The following CD247 variants were observed in gnomAD, a reference collection of about 807,000 sequenced individuals.
CD247 encodes the protein CD247 molecule.
A neutral mutation model predicts 30.0 loss-of-function variants in CD247; 13 were observed. The ratio of observed to expected loss-of-function variants is 0.43; its 90% confidence interval spans 0.28 to 0.69. CD247 has a LOEUF of 0.69. CD247 is among the 30% of genes least tolerant of loss of function. CD247 has a pLI of 0.16. For missense variants in CD247, 193 were observed against 212.6 expected, an observed-to-expected ratio of 0.91 and a Z score of 0.57; for synonymous variants, 72 against 80.0, an observed-to-expected ratio of 0.90 and a Z score of 0.53.
intron 1 of CD247, among the ~76,000 whole-genome samples, chr1:167,491,057 T>C (rs1012053152): frequency 6.6e-6 from 1 of 152,190 alleles, no homozygotes; most frequent in Non-Finnish European, 1.5e-5. Context: ...GTCTATTTTA[T>C]TCTATATTTA....
intron 1 of CD247, among the ~76,000 whole-genome samples, chr1:167,485,208 G>T (rs1303144999): frequency 6.6e-6 from 1 of 152,152 alleles, no homozygotes; most frequent in Non-Finnish European, 1.5e-5. Flanking sequence ...TCTAAGGGGG[G>T]CATTTGAAAA....
chr1:167,443,440 C>T (rs984610728), intron 1 of CD247, among the ~76,000 whole-genome samples: 2 of 152,200 alleles, frequency 1.3e-5, no homozygotes, highest in Non-Finnish European at 2.9e-5. Flanking sequence ...GGGGACAAGC[C>T]AGCCCCCATG....
intron 5 of CD247, 140 bp from the exon 6 acceptor site, chr1:167,434,216 C>G: frequency 1.3e-6 from 1 of 776,634 alleles, no homozygotes; most frequent in Non-Finnish European, 2.3e-6. Flanking sequence ...GGCTCCAAAC[C>G]TTATGCACAC....
intron 1 of CD247, among the ~76,000 whole-genome samples, chr1:167,514,142 TA>T (rs1397849045): frequency 2.6e-5 from 4 of 151,434 alleles, no homozygotes; most frequent in East Asian, 2.0e-4. Context: ...TATTTTATTT[TA>T]TTTATTTTTT....
intron 1 of CD247, among the ~76,000 whole-genome samples, chr1:167,475,708 C>G (rs573103046): frequency 6.6e-6 from 1 of 152,120 alleles, no homozygotes; most frequent in Non-Finnish European, 1.5e-5. Flanking sequence ...CAGAGGAACA[C>G]GTTAAATGAC....
chr1:167,478,193 G>A (rs949170983), intron 1 of CD247, among the ~76,000 whole-genome samples: 9 of 152,150 alleles, frequency 5.9e-5, no homozygotes, highest in Non-Finnish European at 1.2e-4. Context: ...GTGCAGCTCC[G>A]GCTACACTGA....
At chr1:167,439,265 A>C (rs1219323230) in intron 3 of CD247, 79 bp downstream of exon 3, 7 of 1,331,786 alleles carry the variant, frequency 5.3e-6, no homozygotes, top group Non-Finnish European at 7.6e-6. Flanking sequence ...TAAACCCAAG[A>C]CTCTGGCGGG....
intron 1 of CD247, among the ~76,000 whole-genome samples, chr1:167,448,180 C>T (rs1206079171): frequency 6.6e-6 from 1 of 152,212 alleles, no homozygotes; most frequent in East Asian, 1.9e-4. Flanking sequence ...CCAGGAACCA[C>T]ACGTGTGAGT....
At chr1:167,466,021 G>A (rs1482700295) in intron 1 of CD247, among the ~76,000 whole-genome samples, 3 of 152,210 alleles carry the variant, frequency 2.0e-5, no homozygotes, top group African/African-American at 7.2e-5. Context: ...ACTTTGAGAG[G>A]AATTTAAGTG....
chr1:167,435,429 T>G lies in CD247; in HGVS notation c.306A>C (p.Arg102Ser). 6.2e-7 allele frequency: 1 copy of G among 1,612,372 alleles called. No individual in the cohort carries two copies. The highest frequency in any genetic ancestry group is 8.5e-7 in the Non-Finnish European group (1 of 1,178,382). ...ACAGGCCTTCCTGAGGGTTCTTCCT[T>G]CTCTGCTAGGAAAGACAACGGGAAG... ...RDPEMGGKPQ[R>S]RKNPQEGLYN... Residue 102 changes from arginine (R) to serine (S), a missense_variant, in exon 5 of 8, where the codon AGA becomes AGC. Physicochemically the swap from Arg to Ser is moderately radical, Grantham distance 110 (BLOSUM62 -1). Coordinates refer to ENST00000362089, the MANE Select transcript of CD247 (RefSeq NM_198053.3).
intron 1 of CD247, among the ~76,000 whole-genome samples, chr1:167,511,803 A>C (rs704856): frequency 0.92 from 139,855 of 151,968 alleles, 64,491 homozygotes; most frequent in East Asian, 1. Context: ...ACCATGTTTG[A>C]GGCCTGGTTC....
intron 1 of CD247, chr1:167,458,685 C>A (rs1447359764): frequency 1.0e-5 from 1 of 99,096 alleles, no homozygotes. Flanking sequence ...TTCTTTCTTT[C>A]TTTCTTTTTT....
chr1:167,473,092 TACACACACACACAC>T (rs35004482), intron 1 of CD247, among the ~76,000 whole-genome samples: 3 of 146,526 alleles, frequency 2.0e-5, no homozygotes, highest in Non-Finnish European at 3.0e-5. Flanking sequence ...CTTCAAGTTT[TACACACACACACAC>T]ACACACACAC....
At chr1:167,485,580 G>GA (rs1348690770) in intron 1 of CD247, among the ~76,000 whole-genome samples, 6 of 152,168 alleles carry the variant, frequency 3.9e-5, no homozygotes, top group Non-Finnish European at 5.9e-5. Context: ...AGCTGCCTGA[G>GA]ATTAGGGAGC....
chr1:167,478,568 T>C (rs1653848487), intron 1 of CD247, among the ~76,000 whole-genome samples: 1 of 152,154 alleles, frequency 6.6e-6, no homozygotes, highest in Admixed American at 6.5e-5. Context: ...AAAAACCAAT[T>C]GGAGAGGCAG....
intron 1 of CD247, among the ~76,000 whole-genome samples, chr1:167,491,961 CT>C (rs1366341698): frequency 1.3e-5 from 2 of 152,124 alleles, no homozygotes; most frequent in Non-Finnish European, 2.9e-5. Context: ...TTGTCAGGGG[CT>C]GGGAGGAGGC....
chr1:167,478,578 G>A (rs1196727189), intron 1 of CD247, among the ~76,000 whole-genome samples: 2 of 152,192 alleles, frequency 1.3e-5, no homozygotes, highest in African/African-American at 4.8e-5. Flanking sequence ...TGGAGAGGCA[G>A]TAGTGTGGAC....
At chr1:167,483,147 T>TA (rs1654046617) in intron 1 of CD247, among the ~76,000 whole-genome samples, 1 of 152,076 alleles carries the variant, frequency 6.6e-6, no homozygotes, top group Non-Finnish European at 1.5e-5. Flanking sequence ...TAGCTGGAGT[T>TA]ATAGGCATGC....
chr1:167,490,410 G>C (rs1383121245), intron 1 of CD247, among the ~76,000 whole-genome samples: 1 of 151,416 alleles, frequency 6.6e-6, no homozygotes, highest in African/African-American at 2.4e-5. Context: ...GGATCACGAG[G>C]TCAGGAGTTT....
Sources: gnomAD v4.1 joint callset for allele counts (sites outside exome capture counted in the v4.1 genomes callset) on GRCh38, gnomAD v4.1.1 for gene constraint, MANE v1.5 for transcripts, NCBI Gene and HGNC (gene_info 2026-07-23, HGNC 2026-07-21) for gene names.